The following SLC16A10 variants were observed in gnomAD, a reference collection of about 807,000 sequenced individuals.
SLC16A10 encodes solute carrier family 16 member 10, also known as monocarboxylate transporter 10.
Under a neutral mutation model 40.0 loss-of-function variants are expected in SLC16A10, and 27 were observed. That is an observed-to-expected ratio of 0.67 (90% confidence interval 0.50 to 0.93). SLC16A10 has a LOEUF of 0.93. Among genes scored for constraint, SLC16A10 ranks in the 40% least tolerant of loss-of-function variants. The pLI is 0.00. For missense variants in SLC16A10, 529 were observed against 658.2 expected (o/e 0.80, Z 2.15); for synonymous variants, 213 against 249.8 (o/e 0.85, Z 1.39).
intron 1 of SLC16A10, among the ~76,000 whole-genome samples, chr6:111,152,415 G>A (rs775905386): frequency 1.1e-4 from 16 of 152,184 alleles, no homozygotes; most frequent in Non-Finnish European, 2.2e-4. Flanking sequence ...ATGAATGAAG[G>A]TGTTGCATAC....
intron 1 of SLC16A10, among the ~76,000 whole-genome samples, chr6:111,139,891 A>G (rs1771950076): frequency 6.6e-6 from 1 of 152,228 alleles, no homozygotes; most frequent in Non-Finnish European, 1.5e-5. Flanking sequence ...GTATATAAGC[A>G]TTCCTTTTTC....
chr6:111,090,589 T>C (rs991381054), intron 1 of SLC16A10, among the ~76,000 whole-genome samples: 1 of 152,190 alleles, frequency 6.6e-6, no homozygotes, highest in African/African-American at 2.4e-5. Flanking sequence ...TTGAGATCTC[T>C]CTCTCTTCCC....
intron 3 of SLC16A10, among the ~76,000 whole-genome samples, chr6:111,179,407 A>G (rs1046016598): frequency 6.6e-6 from 1 of 152,244 alleles, no homozygotes; most frequent in Admixed American, 6.5e-5. Context: ...TCCAAGAATT[A>G]CATGTCAGTA....
intron 3 of SLC16A10, among the ~76,000 whole-genome samples, chr6:111,200,182 G>T (rs911451910): frequency 3.3e-5 from 5 of 152,188 alleles, no homozygotes; most frequent in Admixed American, 3.3e-4. Context: ...GCAGGTACCT[G>T]TACCACAGTT....
intron 3 of SLC16A10, among the ~76,000 whole-genome samples, chr6:111,180,953 C>T (rs1772779159): frequency 2.0e-5 from 3 of 151,872 alleles, no homozygotes; most frequent in Non-Finnish European, 2.9e-5. Flanking sequence ...GGTGGCTCAC[C>T]CCTGTAATCC....
At chr6:111,179,253 A>G (rs761422249) in intron 3 of SLC16A10, among the ~76,000 whole-genome samples, 7 of 152,252 alleles carry the variant, frequency 4.6e-5, no homozygotes, top group Non-Finnish European at 8.8e-5. Flanking sequence ...TTTTGGTTAT[A>G]TATTTATAAT....
intron 3 of SLC16A10, among the ~76,000 whole-genome samples, chr6:111,186,424 G>A (rs901991966): frequency 3.3e-5 from 5 of 152,180 alleles, no homozygotes; most frequent in African/African-American, 1.2e-4. Context: ...AAAATAAATT[G>A]TTTTGATATG....
At chr6:111,171,702 G>A (rs1488569242) in intron 1 of SLC16A10, among the ~76,000 whole-genome samples, 2 of 151,460 alleles carry the variant, frequency 1.3e-5, no homozygotes, top group East Asian at 3.9e-4. Flanking sequence ...TGTGGTTCTA[G>A]CTACTTGGAA....
intron 1 of SLC16A10, among the ~76,000 whole-genome samples, chr6:111,170,709 A>G (rs1232633001): frequency 6.6e-6 from 1 of 152,172 alleles, no homozygotes; most frequent in Non-Finnish European, 1.5e-5. Context: ...TCGGCCTCCC[A>G]AAGTGCTAGG....
intron 1 of SLC16A10, among the ~76,000 whole-genome samples, chr6:111,104,579 T>C (rs996384562): frequency 6.6e-6 from 1 of 152,132 alleles, no homozygotes; most frequent in African/African-American, 2.4e-5. Flanking sequence ...GAGAAAGAGT[T>C]GCCAGGGAAA....
At chr6:111,102,618 C>G (rs1771209236) in intron 1 of SLC16A10, among the ~76,000 whole-genome samples, 1 of 152,070 alleles carries the variant, frequency 6.6e-6, no homozygotes, top group African/African-American at 2.4e-5. Context: ...GCAGGTAGAC[C>G]ATGTCCTTGT....
chr6:111,144,702 A>G (rs1477117656), intron 1 of SLC16A10, among the ~76,000 whole-genome samples: 1 of 152,214 alleles, frequency 6.6e-6, no homozygotes, highest in African/African-American at 2.4e-5. Flanking sequence ...GGGGTAATAA[A>G]TATATTCATT....
At chr6:111,186,860 A>G (rs1482315214) in intron 3 of SLC16A10, among the ~76,000 whole-genome samples, 5 of 152,228 alleles carry the variant, frequency 3.3e-5, no homozygotes, top group African/African-American at 1.2e-4. Flanking sequence ...GAAAGTTTAT[A>G]TTCCCTCATA....
intron 1 of SLC16A10, among the ~76,000 whole-genome samples, chr6:111,121,429 C>T (rs933199780): frequency 4.6e-5 from 7 of 152,130 alleles, no homozygotes; most frequent in Admixed American, 6.5e-5. Context: ...GGCGTGGTGG[C>T]GTGTGCCTGT....
At chr6:111,178,664 T>C (rs866070839) in intron 3 of SLC16A10, 51 of 218,346 alleles carry the variant, frequency 2.3e-4, no homozygotes, top group African/African-American at 1.0e-3. Context: ...TGGCTGAAAA[T>C]GTATTTACAA....
Position 111,223,456 on chromosome 6 carries a change from C to G in SLC16A10, c.*1221C>G, listed in dbSNP as rs1272853772. 1 of 152,126 alleles carries G rather than the reference C, an allele frequency of 6.6e-6. No individual in the cohort carries two copies. Among genetic ancestry groups the G allele is most frequent in the Non-Finnish European group, 1.5e-5 (1 of 68,036 alleles). 9.4% of individuals were successfully genotyped at this position (152,126 alleles called of 1,614,324 possible). A position where few individuals can be genotyped will look rare whatever the true frequency, so the allele number is the denominator to read the frequency against. ...ATACTCATTTACAAAAACAAGAACA[C>G]TTTCCTCTATCCCTAAAATTATGCT... On this transcript the variant is annotated 3_prime_UTR_variant, in exon 6 of 6. Transcript: ENST00000368851.
intron 4 of SLC16A10, among the ~76,000 whole-genome samples, chr6:111,212,681 T>C (rs1157943274): frequency 6.6e-6 from 1 of 151,922 alleles, no homozygotes. Context: ...TAGTCCCAGC[T>C]ACTTGGGAGA....
chr6:111,188,360 C>G (rs187130), intron 3 of SLC16A10, among the ~76,000 whole-genome samples: 116,717 of 151,796 alleles, frequency 0.77, 45,635 homozygotes, highest in Non-Finnish European at 0.85. Context: ...CTACTTTGCA[C>G]AATGCTTTGC....
At chr6:111,123,364 A>C (rs1008066431) in intron 1 of SLC16A10, among the ~76,000 whole-genome samples, 4 of 152,228 alleles carry the variant, frequency 2.6e-5, no homozygotes, top group African/African-American at 9.6e-5. Flanking sequence ...AAAAGAATCC[A>C]TTCCCTTTCA....
Sources: allele counts gnomAD v4.1 joint callset (sites outside exome capture counted in the v4.1 genomes callset), GRCh38; gene constraint gnomAD v4.1.1; transcripts MANE v1.5; gene names NCBI Gene and HGNC (gene_info 2026-07-23, HGNC 2026-07-21).